Variants in PRKCH observed in about 807,000 individuals in gnomAD.
The protein encoded by PRKCH is protein kinase C eta type.
Under a neutral mutation model 82.5 loss-of-function variants are expected in PRKCH, and 28 were observed. The ratio of observed to expected loss-of-function variants is 0.34; its 90% CI spans 0.25 to 0.47. The LOEUF is 0.47. Among genes scored for constraint, PRKCH ranks in the 20% least tolerant of loss-of-function variants. The pLI is 1.00. For missense variants in PRKCH, 705 were observed against 881.8 expected, an observed-to-expected ratio of 0.80 and a Z score of 2.54; for synonymous variants, 322 against 327.4, an observed-to-expected ratio of 0.98 and a Z score of 0.18.
At chr14:61,324,304 G>T (rs2045667673) in intron 1 of PRKCH, among the ~76,000 whole-genome samples, 1 of 152,142 alleles carries the variant, frequency 6.6e-6, no homozygotes, top group Non-Finnish European at 1.5e-5. Flanking sequence ...TATTTATAAT[G>T]GTCTGAAATA....
chr14:61,311,951 A>ACTATCATGATCTCACTATCTCACAGAT (rs2045528546), intron 1 of PRKCH, among the ~76,000 whole-genome samples: 1 of 152,206 alleles, frequency 6.6e-6, no homozygotes, highest in Admixed American at 6.5e-5. Context: ...ACAAGAACTC[A>ACTATCATGATCTCACTATCTCACAGAT]CTCACTATCA....
chr14:61,378,969 C>T (rs372790789), intron 1 of PRKCH, among the ~76,000 whole-genome samples: 15 of 152,302 alleles, frequency 9.8e-5, no homozygotes, highest in African/African-American at 3.1e-4. Flanking sequence ...AGTTATGTAT[C>T]GGGATCTGAC....
At chr14:61,359,436 C>G (rs985978172) in intron 1 of PRKCH, among the ~76,000 whole-genome samples, 1 of 152,152 alleles carries the variant, frequency 6.6e-6, no homozygotes, top group Non-Finnish European at 1.5e-5. Context: ...GTTATTTTTC[C>G]CAGAGAACAT....
intron 9 of PRKCH, among the ~76,000 whole-genome samples, chr14:61,475,058 A>G (rs538959966): frequency 1.3e-5 from 2 of 152,228 alleles, no homozygotes; most frequent in South Asian, 2.1e-4. Flanking sequence ...GAATTCATAC[A>G]TAGATCAGAG....
chr14:61,361,639 A>G (rs1414231871), intron 1 of PRKCH, among the ~76,000 whole-genome samples: 1 of 152,202 alleles, frequency 6.6e-6, no homozygotes, highest in African/African-American at 2.4e-5. Context: ...TAGACTGGGA[A>G]TAGAAATCCA....
At chr14:61,440,450 T>A (rs985685346) in intron 2 of PRKCH, among the ~76,000 whole-genome samples, 3 of 152,234 alleles carry the variant, frequency 2.0e-5, no homozygotes, top group African/African-American at 7.2e-5. Context: ...TAATTTTAAC[T>A]GTGCTGGAAT....
At chr14:61,439,169 T>G (rs1383919526) in intron 2 of PRKCH, among the ~76,000 whole-genome samples, 1 of 152,148 alleles carries the variant, frequency 6.6e-6, no homozygotes, top group Non-Finnish European at 1.5e-5. Flanking sequence ...AGCACCATAG[T>G]ATTCAATAGG....
At chr14:61,303,178 C>A (rs2045460913) in intron 1 of PRKCH, 1 of 152,052 alleles carries the variant, frequency 6.6e-6, no homozygotes, top group African/African-American at 2.4e-5. Context: ...AGATGTCTAT[C>A]ACCATGCCCA....
intron 1 of PRKCH, among the ~76,000 whole-genome samples, chr14:61,341,829 T>G (rs2140138883): frequency 6.6e-6 from 1 of 152,328 alleles, no homozygotes; most frequent in South Asian, 2.1e-4. Context: ...TAACAATGCT[T>G]AAGTGCTTTT....
intron 1 of PRKCH, among the ~76,000 whole-genome samples, chr14:61,338,180 C>T (rs1261842385): frequency 6.6e-6 from 1 of 152,130 alleles, no homozygotes; most frequent in Non-Finnish European, 1.5e-5. Flanking sequence ...ATTAGGGACC[C>T]CCAGCCTCCC....
intron 1 of PRKCH, among the ~76,000 whole-genome samples, chr14:61,364,323 A>G (rs749386501): frequency 7.2e-5 from 11 of 151,914 alleles, no homozygotes; most frequent in Non-Finnish European, 1.6e-4. Flanking sequence ...GAAATGGGAG[A>G]TGAGATGATT....
chr14:61,520,477 G>C (rs1311098911), intron 10 of PRKCH, among the ~76,000 whole-genome samples: 1 of 151,976 alleles, frequency 6.6e-6, no homozygotes, highest in East Asian at 1.9e-4. Context: ...ACTTCAACCA[G>C]GCGATAATAT....
At chr14:61,319,366 C>T (rs1024448656), upstream of PRKCH, among the ~76,000 whole-genome samples, 5 of 152,162 alleles carry the variant, frequency 3.3e-5, no homozygotes, top group Admixed American at 3.3e-4. Context: ...ACTGCACCCT[C>T]TTCTATTAGT....
At chr14:61,314,246 G>C (rs1000930773) in intron 1 of PRKCH, among the ~76,000 whole-genome samples, 3 of 151,650 alleles carry the variant, frequency 2.0e-5, no homozygotes, top group Admixed American at 6.6e-5. Flanking sequence ...AACTATAATT[G>C]GGCTGTCATA....
chr14:61,204,214 T>C lies in PRKCH; in HGVS notation c.-19+16546T>C, dbSNP rs929877166. On this transcript the variant is annotated intron_variant, in intron 1 of 3. Transcript: ENST00000555185. Reference sequence around the variant, plus strand: ...CTCACCACATAATAACTAAAACTAATAACTTACTTGTATTATCAAGCTAAC... The same window carrying C: ...CTCACCACATAATAACTAAAACTAACAACTTACTTGTATTATCAAGCTAAC... Among the ~76,000 whole-genome samples the C allele has an allele frequency of 2.6e-5, 4 of 152,272 alleles. No individual in the cohort carries two copies. The East Asian group carries it at 7.7e-4, about 29-fold the overall frequency.
rs1181422624 is a variant in PRKCH at position 61,496,117 on chromosome 14, C to T, written c.1433+10461C>T. The stretch of plus-strand genomic sequence containing the variant: ...ACCAGTGGGCTGGAGCAGATGAATT[C>T]GGGCGTCATGGGCGTCGAGGGCCCA... On this transcript the variant is annotated intron_variant, in intron 10 of 13. Transcript: ENST00000332981. Among the ~76,000 whole-genome samples the T allele has an allele frequency of 6.6e-5, 10 of 152,254 alleles. No individual in the cohort carries two copies. In the East Asian group the frequency reaches 7.7e-4, roughly 12 times the overall value.
chr14:61,297,662 A>G (rs2045415892), intron 1 of PRKCH, among the ~76,000 whole-genome samples: 1 of 152,206 alleles, frequency 6.6e-6, no homozygotes, highest in Admixed American at 6.5e-5. Flanking sequence ...TGTTCAGGAT[A>G]GGGTTTGTGC....
chr14:61,192,314 T>C (rs2140033065), intron 1 of PRKCH, among the ~76,000 whole-genome samples: 1 of 152,318 alleles, frequency 6.6e-6, no homozygotes, highest in African/African-American at 2.4e-5. Flanking sequence ...GCCATGTGAT[T>C]TGGGGCAAGT....
intron 9 of PRKCH, among the ~76,000 whole-genome samples, chr14:61,463,806 A>C (rs1885135438): frequency 6.6e-6 from 1 of 152,240 alleles, no homozygotes; most frequent in Non-Finnish European, 1.5e-5. Context: ...TACACATATC[A>C]GTGAGATTAA....
Sources: gnomAD v4.1 joint callset for allele counts (sites outside exome capture counted in the v4.1 genomes callset) on GRCh38, gnomAD v4.1.1 for gene constraint, MANE v1.5 for transcripts, NCBI Gene and HGNC (gene_info 2026-07-23, HGNC 2026-07-21) for gene names.